Variants in TRMT1L observed in about 807,000 individuals in gnomAD.
TRMT1L encodes the protein tRNA methyltransferase 1L, also known as tRNA (guanine(27)-N(2))-dimethyltransferase.
In TRMT1L, 28 loss-of-function variants were observed where a neutral mutation model predicts 81.6. The ratio of observed to expected loss-of-function variants is 0.34; its 90% confidence interval spans 0.25 to 0.47. The LOEUF is 0.47. TRMT1L is among the 20% of genes least tolerant of loss of function. The pLI is 1.00. For synonymous variants in TRMT1L, 301 were observed against 303.2 expected (o/e 0.99, Z 0.07); for missense variants, 739 against 877.1 (o/e 0.84, Z 1.99).
chr1:185,150,542 T>C, intron 2 of TRMT1L, 50 bp from the exon 3 acceptor site: 1 of 1,332,474 alleles, frequency 7.5e-7, no homozygotes, highest in Non-Finnish European at 1.1e-6. Context: ...TAGTTATTAA[T>C]GCCTGGATTC....
chr1:185,149,897 TG>T (rs1236262019), intron 3 of TRMT1L, among the ~76,000 whole-genome samples: 3 of 152,210 alleles, frequency 2.0e-5, no homozygotes, highest in African/African-American at 7.2e-5. Flanking sequence ...TCCATTTATC[TG>T]AAGTAGAAAA....
intron 13 of TRMT1L, among the ~76,000 whole-genome samples, chr1:185,123,022 T>G (rs541595437): frequency 1.1e-4 from 16 of 152,326 alleles, no homozygotes; most frequent in African/African-American, 3.4e-4. Flanking sequence ...AATGCTTCTT[T>G]GTCTTCCCTC....
intron 1 of TRMT1L, among the ~76,000 whole-genome samples, chr1:185,153,181 A>G (rs1218036433): frequency 1.3e-5 from 2 of 152,198 alleles, no homozygotes; most frequent in Non-Finnish European, 2.9e-5. Flanking sequence ...CAGGTTTCTC[A>G]AGCATTACAC....
rs1439142134 is a variant in TRMT1L, at chr1:185,156,890, A to G, written c.-178T>C. The G allele has an allele frequency of 4.6e-6, 4 of 871,874 alleles. No homozygotes were observed. Among genetic ancestry groups the G allele is most frequent in the Non-Finnish European group, 5.0e-6 (3 of 602,424 alleles). The allele number at this position is 871,874 out of a possible 1,614,324, so 54.0% of individuals were successfully genotyped here. ...ACCAGTGACCAAATCCTGTTAGTAG[A>G]AAACAGAAAGCCAGAGGCAGCGATT... On this transcript the variant is annotated 5_prime_UTR_variant, in exon 1 of 15. Transcript: ENST00000367506.
At chr1:185,123,817 C>T in intron 13 of TRMT1L, 40 bp downstream of exon 13, 1 of 1,275,548 alleles carries the variant, frequency 7.8e-7, no homozygotes. Flanking sequence ...GCCTTTTTGA[C>T]CTGATATGTA....
rs1652438781 is a variant in TRMT1L, at chr1:185,119,338, A to G, written c.*681T>C. 6.6e-6 allele frequency: 1 copy of G among 152,172 alleles called. No homozygotes were observed. The highest frequency in any genetic ancestry group is 2.4e-5 in the African/African-American group (1 of 41,462). The allele number at this position is 152,172 out of a possible 1,614,324, so 9.4% of individuals were successfully genotyped here. On this transcript the variant is annotated 3_prime_UTR_variant, in exon 15 of 15. Transcript: ENST00000367506. ...ATTTCAGTGCTCATGAACAAGTATT[A>G]TATTAGATTAATGGTCTCAATTTAT...
intron 1 of TRMT1L, among the ~76,000 whole-genome samples, chr1:185,153,448 GAGA>G (rs1557994180): frequency 6.6e-6 from 1 of 152,124 alleles, no homozygotes; most frequent in Admixed American, 6.6e-5. Flanking sequence ...GAAGCCAAGG[GAGA>G]AGAGTCTATA....
Position 185,139,576 on chromosome 1 carries a change from A to G in TRMT1L, c.1113T>C (p.His371=). The part of the protein sequence containing the change: ...LMHLRSFDFI[H]LDPFGTSVNY... ...TCACTGATGTTCCAAAAGGGTCTAG[A>G]TGTCTAAAATCAGAAAGAATATAGA... Residue 371 remains histidine, a synonymous_variant, in exon 9 of 15, where the codon CAT becomes CAC. Coordinates refer to ENST00000367506, the MANE Select transcript of TRMT1L (RefSeq NM_030934.5). The G allele has an allele frequency of 1.9e-6, 3 of 1,603,970 alleles. No homozygotes were observed. Among genetic ancestry groups the G allele is most frequent in the Non-Finnish European group, 2.6e-6 (3 of 1,174,190 alleles).
intron 13 of TRMT1L, 163 bp from the exon 14 acceptor site, chr1:185,120,672 T>C (rs1652478316): frequency 9.8e-6 from 6 of 613,766 alleles, no homozygotes; most frequent in African/African-American, 3.8e-5. Flanking sequence ...CCTTCACTTA[T>C]GTAATTTTCA....
chr1:185,126,890 G>A (rs976746355), intron 11 of TRMT1L, among the ~76,000 whole-genome samples: 5 of 152,128 alleles, frequency 3.3e-5, no homozygotes, highest in East Asian at 1.9e-4. Flanking sequence ...CCAGCTACTC[G>A]GGAGGCTGAG....
At chr1:185,131,922 C>G (rs1226163931) in intron 10 of TRMT1L, among the ~76,000 whole-genome samples, 2 of 152,018 alleles carry the variant, frequency 1.3e-5, no homozygotes, top group Non-Finnish European at 2.9e-5. Context: ...AGGCAGATCA[C>G]TTGAGGTCAG....
chr1:185,137,032 TTAACA>T (rs1279354874), intron 10 of TRMT1L, among the ~76,000 whole-genome samples: 2 of 151,980 alleles, frequency 1.3e-5, no homozygotes, highest in East Asian at 3.9e-4. Context: ...AATCTGCAAC[TTAACA>T]TAGTAAGTGC....
intron 4 of TRMT1L, among the ~76,000 whole-genome samples, chr1:185,146,507 T>C (rs934124377): frequency 1.3e-5 from 2 of 152,026 alleles, no homozygotes; most frequent in African/African-American, 4.8e-5. Context: ...ATATTCAAAA[T>C]ATCTTAGACT....
chr1:185,143,335 C>A, intron 7 of TRMT1L, 22 bp downstream of exon 7: 1 of 1,571,170 alleles, frequency 6.4e-7, no homozygotes, highest in Non-Finnish European at 8.6e-7. Context: ...AAATGGGGTT[C>A]CAAAAAAGTG....
At position 185,156,760 on chromosome 1, in the gene TRMT1L, C is replaced by T. The variant is rs764130062; in HGVS notation, c.-48G>A. 4.4e-6 allele frequency: 7 copies of T among 1,606,872 alleles called. No homozygotes were observed. In the South Asian group the frequency reaches 6.7e-5, roughly 15 times the overall value. On this transcript the variant is annotated 5_prime_UTR_variant, in exon 1 of 15. Transcript: ENST00000367506. ...CCGCCCGGGGACCCGGAGCGGGGCT[C>T]ACGGCGGGGTCAGAGAACTGACGTG...
rs1472877474 is a variant in TRMT1L at position 185,156,596 on chromosome 1, C to T, written c.117G>A (p.Pro39=). The change falls in exon 1 of 15, where the codon CCG becomes CCA. Residue 39 remains proline, a synonymous_variant. Transcript: ENST00000367506. ...RDSAGVPAPA[P]DSALDSAPTP... The stretch of plus-strand genomic sequence containing the variant: ...TCGGAGCCGAGTCCAGAGCCGAATC[C>T]GGGGCCGGAGCTGGGACCCCAGCCG... The T allele has an allele frequency of 4.4e-6, 7 of 1,596,912 alleles. No homozygotes were observed. The highest frequency in any genetic ancestry group is 1.3e-5 in the African/African-American group (1 of 74,216).
intron 6 of TRMT1L, 52 bp from the exon 7 acceptor site, chr1:185,143,488 G>T: frequency 1.3e-6 from 2 of 1,503,512 alleles, no homozygotes; most frequent in Non-Finnish European, 9.1e-7. Flanking sequence ...CACCATCATA[G>T]ATTTTATTTC....
At chr1:185,153,657 T>TGTAA (rs1491257097) in intron 1 of TRMT1L, among the ~76,000 whole-genome samples, 1 of 152,254 alleles carries the variant, frequency 6.6e-6, no homozygotes, top group African/African-American at 2.4e-5. Flanking sequence ...TGAATCAGAC[T>TGTAA]GTAACTTGCT....
chr1:185,144,423 A>G (rs1347294586), intron 5 of TRMT1L, among the ~76,000 whole-genome samples: 1 of 152,056 alleles, frequency 6.6e-6, no homozygotes, highest in Non-Finnish European at 1.5e-5. Context: ...TCACTATGGT[A>G]TAATTGTTAG....
Sources: allele counts gnomAD v4.1 joint callset (sites outside exome capture counted in the v4.1 genomes callset), GRCh38; gene constraint gnomAD v4.1.1; transcripts MANE v1.5; gene names NCBI Gene and HGNC (gene_info 2026-07-23, HGNC 2026-07-21).